The following ZDHHC21 variants were observed in gnomAD, a reference collection of about 807,000 sequenced individuals.
ZDHHC21 encodes palmitoyltransferase ZDHHC21.
ZDHHC21 carries 15 observed loss-of-function variants against 34.6 expected under a neutral mutation model. The observed-to-expected ratio is 0.43, with a 90% CI of 0.29 to 0.67. The LOEUF (loss-of-function observed/expected upper bound fraction) is 0.67. ZDHHC21 is among the 30% of genes least tolerant of loss of function. ZDHHC21 has a pLI of 0.14. For missense variants in ZDHHC21, 344 were observed against 327.7 expected (o/e 1.05, Z -0.38); for synonymous variants, 142 against 101.8 (o/e 1.40, Z -2.38).
At chr9:14,640,941 TGAA>T (rs1829268305) in intron 7 of ZDHHC21, among the ~76,000 whole-genome samples, 2 of 152,080 alleles carry the variant, frequency 1.3e-5, no homozygotes, top group Admixed American at 6.6e-5. Flanking sequence ...GAGAGAGAGA[TGAA>T]GAACTAAGAC....
At chr9:14,638,317 G>T (rs1828676066) in intron 8 of ZDHHC21, among the ~76,000 whole-genome samples, 1 of 151,890 alleles carries the variant, frequency 6.6e-6, no homozygotes, top group Non-Finnish European at 1.5e-5. Context: ...AGAAGTGCTG[G>T]GAAAATTGGA....
At position 14,639,868 on chromosome 9, in the gene ZDHHC21, T is replaced by C. The variant is rs952520660; in HGVS notation, c.621+28A>G. ...CATAATTAGGTAATATATTCATAAA[T>C]GTTACTTTACATTAAAAATATACTT... On this transcript the variant is annotated intron_variant, in intron 8 of 9. Coordinates refer to ENST00000380916, the MANE Select transcript of ZDHHC21 (RefSeq NM_178566.6). 21 of 1,301,220 alleles carry C rather than the reference T, an allele frequency of 1.6e-5. 1 individual carries two copies. Among genetic ancestry groups the C allele is most frequent in the Non-Finnish European group, 1.9e-5 (18 of 930,316 alleles). 80.6% of individuals were successfully genotyped at this position (1,301,220 alleles called of 1,614,324 possible).
intron 7 of ZDHHC21, among the ~76,000 whole-genome samples, chr9:14,640,973 G>A (rs941012117): frequency 6.6e-6 from 1 of 152,170 alleles, no homozygotes; most frequent in Non-Finnish European, 1.5e-5. Context: ...GAAATCTGCT[G>A]TTGCTAAGCT....
chr9:14,693,018 AG>A (rs890544317), intron 1 of ZDHHC21, among the ~76,000 whole-genome samples: 4 of 151,700 alleles, frequency 2.6e-5, no homozygotes, highest in African/African-American at 7.3e-5. Context: ...GCTCTGAAAA[AG>A]GCCAGGCCTG....
chr9:14,662,164 A>C, intron 6 of ZDHHC21, 51 bp downstream of exon 6: 1 of 1,350,984 alleles, frequency 7.4e-7, no homozygotes, highest in Non-Finnish European at 1.0e-6. Context: ...TGTAAGATTT[A>C]CATTTTATTA....
At chr9:14,676,361 C>A (rs549069880) in intron 3 of ZDHHC21, among the ~76,000 whole-genome samples, 2 of 151,990 alleles carry the variant, frequency 1.3e-5, no homozygotes, top group African/African-American at 4.8e-5. Flanking sequence ...AGCCTCAGGG[C>A]ACCATCCCTT....
At chr9:14,589,494 G>C in the ZDHHC21 span, 23 of 152,160 alleles carry the variant, frequency 1.5e-4, no homozygotes, top group Non-Finnish European at 2.4e-4. Context: ...ACGGAGGCTG[G>C]AGTTTTCAGG....
At chr9:14,593,728 C>G in the ZDHHC21 span, 1 of 152,714 alleles carries the variant, frequency 6.5e-6, no homozygotes, top group Non-Finnish European at 1.5e-5. Flanking sequence ...CTGCCACATG[C>G]TGGTCCAGCC....
intron 8 of ZDHHC21, among the ~76,000 whole-genome samples, chr9:14,620,159 T>C (rs1825040951): frequency 6.6e-6 from 1 of 152,068 alleles, no homozygotes; most frequent in African/African-American, 2.4e-5. Context: ...ATCTATGAAT[T>C]TGCCATATTA....
In ZDHHC21 at chr9:14,615,114, C is replaced by T. The variant is rs1473407549; in HGVS notation, c.*3852G>A. 1.3e-5 allele frequency: 2 copies of T among 151,552 alleles called. No homozygotes were observed. The highest frequency in any genetic ancestry group is 4.8e-5 in the African/African-American group (2 of 41,378). The allele number at this position is 151,552 out of a possible 1,614,324, so 9.4% of individuals were successfully genotyped here. On this transcript the variant is annotated 3_prime_UTR_variant, in exon 10 of 10. Coordinates refer to ENST00000380916, the MANE Select transcript of ZDHHC21 (RefSeq NM_178566.6). ...ATACATGTGAAAACACTCAAACTAC[C>T]CCATGATCTAACACACAGAAAATTG...
At chr9:14,610,678 T>C (rs970021381), downstream of ZDHHC21, among the ~76,000 whole-genome samples, 2 of 151,954 alleles carry the variant, frequency 1.3e-5, no homozygotes, top group Non-Finnish European at 2.9e-5. Context: ...AGATCTAAAA[T>C]AGTGCCTAGG....
At chr9:14,597,490 C>G in the ZDHHC21 span, among the ~76,000 whole-genome samples, 2 of 152,180 alleles carry the variant, frequency 1.3e-5, no homozygotes, top group Non-Finnish European at 2.9e-5. Context: ...GCCAATGCCA[C>G]TGAGAACAAC....
the ZDHHC21 span, among the ~76,000 whole-genome samples, chr9:14,604,582 C>A: frequency 0.39 from 59,628 of 151,746 alleles, 11,885 homozygotes; most frequent in Middle Eastern, 0.46. Context: ...TTTTAGAAAA[C>A]AAAGTGAGAA....
downstream of ZDHHC21, among the ~76,000 whole-genome samples, chr9:14,610,449 A>G (rs1163630478): frequency 6.6e-6 from 1 of 152,030 alleles, no homozygotes. Flanking sequence ...AATCTATCAA[A>G]TAATTTATCA....
chr9:14,608,066 A>G (rs1025499785), downstream of ZDHHC21, among the ~76,000 whole-genome samples: 7 of 152,186 alleles, frequency 4.6e-5, no homozygotes, highest in Non-Finnish European at 8.8e-5. Flanking sequence ...ACAAGTGCAG[A>G]CCATCCAAAA....
At chr9:14,638,508 A>C (rs1828706174) in intron 8 of ZDHHC21, among the ~76,000 whole-genome samples, 1 of 152,026 alleles carries the variant, frequency 6.6e-6, no homozygotes, top group African/African-American at 2.4e-5. Flanking sequence ...CTAAGACCTC[A>C]AAAAATGCAG....
At chr9:14,657,374 G>A (rs1203460063) in intron 7 of ZDHHC21, among the ~76,000 whole-genome samples, 1 of 152,040 alleles carries the variant, frequency 6.6e-6, no homozygotes, top group African/African-American at 2.4e-5. Flanking sequence ...CACATTTTCA[G>A]TGGAAGAAAA....
intron 6 of ZDHHC21, among the ~76,000 whole-genome samples, chr9:14,659,731 C>A (rs1209143909): frequency 2.0e-5 from 3 of 152,080 alleles, no homozygotes; most frequent in Non-Finnish European, 2.9e-5. Context: ...TGTCATTAAA[C>A]CATTTTTTAA....
At chr9:14,657,880 A>C (rs1272101232) in intron 7 of ZDHHC21, among the ~76,000 whole-genome samples, 1 of 152,158 alleles carries the variant, frequency 6.6e-6, no homozygotes, top group Non-Finnish European at 1.5e-5. Flanking sequence ...GAAACAGATT[A>C]CTCCAGGGAA....
Sources: allele counts gnomAD v4.1 joint callset (sites outside exome capture counted in the v4.1 genomes callset), GRCh38; gene constraint gnomAD v4.1.1; transcripts MANE v1.5; gene names NCBI Gene and HGNC (gene_info 2026-07-23, HGNC 2026-07-21).